Variants in UNC13C observed in about 807,000 individuals in gnomAD.
UNC13C encodes the protein unc-13 homolog C, also known as protein unc-13 homolog C.
In UNC13C, 174 loss-of-function variants were observed where a neutral mutation model predicts 245.4. That is an observed-to-expected ratio of 0.71 (90% CI 0.63 to 0.80). UNC13C has a LOEUF of 0.80. Among genes scored for constraint, UNC13C ranks in the 30% least tolerant of loss-of-function variants. UNC13C has a pLI of 0.00. For synonymous variants in UNC13C, 992 were observed against 895.1 expected (o/e 1.11, Z -1.93); for missense variants, 2,829 against 2,602.9 (o/e 1.09, Z -1.89).
intron 2 of UNC13C, among the ~76,000 whole-genome samples, chr15:54,109,161 G>C (rs1900619795): frequency 6.6e-6 from 1 of 151,964 alleles, no homozygotes; most frequent in Non-Finnish European, 1.5e-5. Context: ...CCTCCAACTA[G>C]TGCTTTACAA....
intron 10 of UNC13C, among the ~76,000 whole-genome samples, chr15:54,275,289 T>G (rs1339656250): frequency 6.6e-6 from 1 of 152,174 alleles, no homozygotes; most frequent in Admixed American, 6.5e-5. Context: ...TTTGAAGTAC[T>G]CACAGGAGAT....
At chr15:53,966,927 C>T in the UNC13C span, among the ~76,000 whole-genome samples, 1 of 151,864 alleles carries the variant, frequency 6.6e-6, no homozygotes, top group Non-Finnish European at 1.5e-5. Context: ...TTTTACATAC[C>T]TTTATTTAAA....
chr15:54,367,269 A>C lies in UNC13C; in HGVS notation c.4714-25779A>C, dbSNP rs565839344. On this transcript the variant is annotated intron_variant, in intron 17 of 32. Transcript: ENST00000260323. ...TTTTCCTCTAACCTTGACTTTTCTC[A>C]TTAAAAAGGTAGTAGCTCTCCCTGC... is the stretch of plus-strand genomic sequence containing the variant. Among the ~76,000 whole-genome samples the C allele has an allele frequency of 5.9e-5, 9 of 152,270 alleles. No homozygotes were observed. In the East Asian group the frequency reaches 1.7e-3, roughly 29 times the overall value.
At chr15:53,940,481 A>T in the UNC13C span, among the ~76,000 whole-genome samples, 11 of 152,228 alleles carry the variant, frequency 7.2e-5, no homozygotes, top group East Asian at 1.9e-3. Context: ...ATCAGGCAAG[A>T]GAAAGAAAGA....
the UNC13C span, among the ~76,000 whole-genome samples, chr15:53,964,029 C>T: frequency 6.6e-6 from 1 of 152,124 alleles, no homozygotes; most frequent in Non-Finnish European, 1.5e-5. Flanking sequence ...ACAGGCCCAT[C>T]TGTCTGGAAA....
At chr15:54,622,953 G>A (rs1900887065) in intron 31 of UNC13C, among the ~76,000 whole-genome samples, 1 of 152,014 alleles carries the variant, frequency 6.6e-6, no homozygotes, top group South Asian at 2.1e-4. Context: ...AGCAAAACTA[G>A]GGCTGCCCAA....
the UNC13C span, among the ~76,000 whole-genome samples, chr15:53,851,628 G>T: frequency 2.6e-5 from 4 of 152,142 alleles, no homozygotes; most frequent in Admixed American, 1.3e-4. Flanking sequence ...TTCCAGAGGG[G>T]CCGTGCCCTG....
chr15:53,987,534 G>T (rs1595681655), intron 1 of UNC13C, among the ~76,000 whole-genome samples: 1 of 62,928 alleles, frequency 1.6e-5, no homozygotes, highest in South Asian at 5.9e-4. Flanking sequence ...CAGGCTTTTT[G>T]TTGTTGTTGT....
chr15:54,629,581 CAA>C (rs1901402418), downstream of UNC13C: 1 of 137,846 alleles, frequency 7.3e-6, no homozygotes, highest in South Asian at 2.5e-4. Context: ...GTCCCATGAA[CAA>C]AATTCAACAT....
the UNC13C span, among the ~76,000 whole-genome samples, chr15:53,934,864 C>A: frequency 1.3e-5 from 2 of 152,070 alleles, no homozygotes; most frequent in South Asian, 4.2e-4. Flanking sequence ...GTTACTAATC[C>A]CATTCATGAG....
intron 32 of UNC13C, among the ~76,000 whole-genome samples, chr15:54,625,706 C>T (rs1010142158): frequency 5.3e-5 from 8 of 152,078 alleles, no homozygotes; most frequent in African/African-American, 9.7e-5. Flanking sequence ...CCTCTTATCA[C>T]GTATTAAAAC....
intron 4 of UNC13C, among the ~76,000 whole-genome samples, chr15:54,173,126 A>G (rs1241886814): frequency 6.6e-6 from 1 of 151,948 alleles, no homozygotes; most frequent in East Asian, 1.9e-4. Flanking sequence ...CATAACTTCT[A>G]TAACTTGATA....
At chr15:54,024,674 T>G (rs1371624537) in intron 2 of UNC13C, among the ~76,000 whole-genome samples, 1 of 152,074 alleles carries the variant, frequency 6.6e-6, no homozygotes, top group Non-Finnish European at 1.5e-5. Context: ...ATCCCAGCAC[T>G]TTGGGAGGCC....
At chr15:54,183,756 A>T (rs2033876471) in intron 4 of UNC13C, among the ~76,000 whole-genome samples, 1 of 131,046 alleles carries the variant, frequency 7.6e-6, no homozygotes, top group East Asian at 2.6e-4. Flanking sequence ...ATTGTGAGAC[A>T]GAAAAAAAAA....
intron 18 of UNC13C, among the ~76,000 whole-genome samples, chr15:54,406,837 G>C (rs1270337514): frequency 6.6e-6 from 1 of 152,090 alleles, no homozygotes; most frequent in Non-Finnish European, 1.5e-5. Context: ...ACACTTAAAG[G>C]GAGGTGATAC....
chr15:54,221,215 C>A (rs2035214995), intron 4 of UNC13C, among the ~76,000 whole-genome samples: 1 of 151,764 alleles, frequency 6.6e-6, no homozygotes, highest in African/African-American at 2.4e-5. Flanking sequence ...GCTAAGAAGG[C>A]ATAGTGTCAT....
intron 2 of UNC13C, among the ~76,000 whole-genome samples, chr15:54,112,450 C>T (rs1305194730): frequency 6.6e-6 from 1 of 152,162 alleles, no homozygotes; most frequent in African/African-American, 2.4e-5. Flanking sequence ...CCTGAAGGAG[C>T]TGGCCACCCA....
At chr15:54,631,723 C>T (rs536558644), downstream of UNC13C, 9 of 152,234 alleles carry the variant, frequency 5.9e-5, no homozygotes, top group African/African-American at 1.7e-4. Flanking sequence ...ACTGTATGAA[C>T]ATTAAAAAGA....
rs1901331509 is a variant in UNC13C at position 54,628,423 on chromosome 15, G to A, written c.*1310G>A. On this transcript the variant is annotated 3_prime_UTR_variant, in exon 33 of 33. Transcript: ENST00000260323. ...CTGATCTAATACGTTAAGTACAGAA[G>A]TGCTTAGTATCATGACTGTCAGAAC... is the stretch of plus-strand genomic sequence containing the variant. The A allele has an allele frequency of 1.4e-5, 2 of 143,742 alleles. No individual in the cohort carries two copies. Among genetic ancestry groups the A allele is most frequent in the Middle Eastern group, 3.4e-3 (1 of 294 alleles). 8.9% of individuals were successfully genotyped at this position (143,742 alleles called of 1,614,324 possible).
Sources: allele counts gnomAD v4.1 joint callset (sites outside exome capture counted in the v4.1 genomes callset), GRCh38; gene constraint gnomAD v4.1.1; transcripts MANE v1.5; gene names NCBI Gene and HGNC (gene_info 2026-07-23, HGNC 2026-07-21).